CLNK: variants seen among roughly 807,000 people sequenced by gnomAD.
CLNK encodes the protein cytokine-dependent hematopoietic cell linker.
Under a neutral mutation model 68.6 loss-of-function variants are expected in CLNK, and 74 were observed. The ratio of observed to expected loss-of-function variants is 1.08; its 90% CI spans 0.89 to 1.31. The LOEUF is 1.31. Ranked by LOEUF, CLNK falls within the 50% of genes most tolerant of loss-of-function variation. The pLI is 0.00. For synonymous variants in CLNK, 198 were observed against 172.2 expected (o/e 1.15, Z -1.17); for missense variants, 553 against 515.3 (o/e 1.07, Z -0.71).
intron 8 of CLNK, among the ~76,000 whole-genome samples, chr4:10,550,967 AG>A (rs1312549173): frequency 6.6e-6 from 1 of 152,220 alleles, no homozygotes; most frequent in Non-Finnish European, 1.5e-5. Flanking sequence ...ATGACTGCTC[AG>A]CAATTAACCG....
At chr4:10,513,355 A>G in intron 16 of CLNK, 109 bp downstream of exon 16, 1 of 1,032,934 alleles carries the variant, frequency 9.7e-7, no homozygotes, top group Admixed American at 3.2e-5. Flanking sequence ...GCCAGAAGGG[A>G]AAAAGTTAAA....
chr4:10,655,789 A>G (rs1462207889), intron 2 of CLNK, among the ~76,000 whole-genome samples: 1 of 151,612 alleles, frequency 6.6e-6, no homozygotes, highest in Non-Finnish European at 1.5e-5. Flanking sequence ...AGCTCGGACT[A>G]CAGGCACCCA....
chr4:10,665,781 T>C (rs1296223842), intron 2 of CLNK, among the ~76,000 whole-genome samples: 1 of 151,942 alleles, frequency 6.6e-6, no homozygotes, highest in East Asian at 1.9e-4. Flanking sequence ...CCATCCCACG[T>C]TGCCCCTGAA....
the CLNK span, among the ~76,000 whole-genome samples, chr4:10,692,641 G>A: frequency 1.3e-5 from 2 of 152,178 alleles, no homozygotes; most frequent in African/African-American, 2.4e-5. Flanking sequence ...ACAAGGAAAC[G>A]TTTTCAAAAT....
chr4:10,557,007 C>T (rs777760540), intron 8 of CLNK, among the ~76,000 whole-genome samples: 3 of 151,750 alleles, frequency 2.0e-5, no homozygotes, highest in Admixed American at 6.6e-5. Flanking sequence ...GCCAGGGAGG[C>T]GGAGGTTGCA....
intron 16 of CLNK, among the ~76,000 whole-genome samples, chr4:10,509,439 C>A (rs1717469693): frequency 6.6e-6 from 1 of 152,172 alleles, no homozygotes; most frequent in African/African-American, 2.4e-5. Context: ...AGAACTGGCC[C>A]TACTGCCTGG....
chr4:10,599,217 C>T (rs556333248), intron 2 of CLNK, among the ~76,000 whole-genome samples: 4 of 152,214 alleles, frequency 2.6e-5, no homozygotes, highest in South Asian at 2.1e-4. Context: ...CCTGGTCCAC[C>T]GAGGAGCTGA....
chr4:10,616,791 T>TATATATATATATATATAC (rs1722247894), intron 2 of CLNK, among the ~76,000 whole-genome samples: 2 of 1,244 alleles, frequency 1.6e-3, no homozygotes, highest in African/African-American at 3.7e-3. Context: ...TGTGTGTGTG[T>TATATATATATATATATAC]ATATATATAT....
At chr4:10,545,127 T>C (rs1326405755) in intron 8 of CLNK, among the ~76,000 whole-genome samples, 3 of 152,180 alleles carry the variant, frequency 2.0e-5, no homozygotes, top group East Asian at 3.9e-4. Context: ...CCGAAATGCA[T>C]GTCCTCACAT....
chr4:10,496,380 G>T, intron 18 of CLNK, among the ~76,000 whole-genome samples: 1 of 152,264 alleles, frequency 6.6e-6, no homozygotes, highest in East Asian at 1.9e-4. Flanking sequence ...TTTTAAAGAG[G>T]CGTGATTCTT....
chr4:10,503,694 G>A (rs1577090741), intron 17 of CLNK, among the ~76,000 whole-genome samples: 1 of 148,456 alleles, frequency 6.7e-6, no homozygotes, highest in Admixed American at 6.7e-5. Flanking sequence ...TAACATGATA[G>A]TGATGTTATG....
Position 10,488,679 on chromosome 4 carries a change from C to T in CLNK, c.*1788G>A, listed in dbSNP as rs963301932. On this transcript the variant is annotated 3_prime_UTR_variant, in exon 19 of 19. Transcript: ENST00000226951. ...TCTTCATTAAATGCTCCTGATGTAA[C>T]TTATAGGCATCACTTCACATTGACC... is the stretch of plus-strand genomic sequence containing the variant. 1 of 152,216 alleles carries T rather than the reference C, an allele frequency of 6.6e-6. No individual in the cohort carries two copies. Among genetic ancestry groups the T allele is most frequent in the Non-Finnish European group, 1.5e-5 (1 of 68,048 alleles). The allele number at this position is 152,216 out of a possible 1,614,324, so 9.4% of individuals were successfully genotyped here.
At chr4:10,543,267 C>T (rs982486641) in intron 8 of CLNK, among the ~76,000 whole-genome samples, 1 of 152,142 alleles carries the variant, frequency 6.6e-6, no homozygotes, top group African/African-American at 2.4e-5. Flanking sequence ...AAGAAGGCTC[C>T]TTGGAAAAGC....
intron 3 of CLNK, among the ~76,000 whole-genome samples, chr4:10,597,052 A>G (rs1297200212): frequency 6.6e-6 from 1 of 152,270 alleles, no homozygotes; most frequent in Non-Finnish European, 1.5e-5. Flanking sequence ...AAACACCTCA[A>G]GTATTCTATC....
In CLNK at chr4:10,513,518, C is replaced by A. The variant is rs114623663; in HGVS notation, c.852G>T (p.Leu284=). ...GTCTCCAGCTTGTGTATTTATAGGGCAGTATATTTTCGTGAGGGCTGCAGC... is the reference window on the plus strand; with the variant it reads ...GTCTCCAGCTTGTGTATTTATAGGGAAGTATATTTTCGTGAGGGCTGCAGC... ...PASCSPHENI[L]PYKYTSWRPP... is the part of the protein sequence containing the mutation. Residue 284 remains leucine (L), a synonymous_variant, in exon 16 of 19, where the codon CTG becomes CTT. Transcript: ENST00000226951. 3.1e-6 allele frequency: 5 copies of A among 1,611,546 alleles called. No homozygotes were observed. In the African/African-American group the frequency reaches 6.7e-5, roughly 22 times the overall value.
intron 12 of CLNK, among the ~76,000 whole-genome samples, chr4:10,530,608 A>T (rs1308134685): frequency 2.6e-5 from 4 of 152,206 alleles, no homozygotes; most frequent in African/African-American, 9.6e-5. Flanking sequence ...ATTTCCTGCC[A>T]TCTAAGGCTG....
intron 16 of CLNK, among the ~76,000 whole-genome samples, chr4:10,511,348 CT>C (rs1156655423): frequency 6.6e-6 from 1 of 152,158 alleles, no homozygotes; most frequent in African/African-American, 2.4e-5. Flanking sequence ...CAGAATTTGA[CT>C]CTTTTCGGCA....
At chr4:10,522,314 C>CG (rs1718111720) in intron 14 of CLNK, among the ~76,000 whole-genome samples, 4 of 149,162 alleles carry the variant, frequency 2.7e-5, no homozygotes, top group African/African-American at 9.9e-5. Flanking sequence ...TGGCTTACAC[C>CG]TGTAATCCCA....
chr4:10,493,125 T>G (rs1432257828), intron 18 of CLNK, among the ~76,000 whole-genome samples: 1 of 152,220 alleles, frequency 6.6e-6, no homozygotes, highest in Admixed American at 6.5e-5. Context: ...GAGGCCAGCC[T>G]GGCCAACATA....
Sources: gnomAD v4.1 joint callset for allele counts (sites outside exome capture counted in the v4.1 genomes callset) on GRCh38, gnomAD v4.1.1 for gene constraint, MANE v1.5 for transcripts, NCBI Gene and HGNC (gene_info 2026-07-23, HGNC 2026-07-21) for gene names.